The following GALNT13 variants were observed in gnomAD, a reference collection of about 807,000 sequenced individuals.
GALNT13 encodes UDP-GalNAc:polypeptide N-acetylgalactosaminyltransferase 13.
Under a neutral mutation model 64.2 loss-of-function variants are expected in GALNT13, and 28 were observed. The observed-to-expected ratio is 0.44, with a 90% CI of 0.32 to 0.60. GALNT13 has a LOEUF of 0.60. Ranked by LOEUF, GALNT13 falls within the 20% of genes least tolerant of loss-of-function variation. The pLI is 0.05. For synonymous variants in GALNT13, 214 were observed against 224.6 expected (o/e 0.95, Z 0.42); for missense variants, 577 against 669.8 (o/e 0.86, Z 1.53).
the GALNT13 span, among the ~76,000 whole-genome samples, chr2:153,857,762 G>A: frequency 6.6e-6 from 1 of 152,128 alleles, no homozygotes; most frequent in Admixed American, 6.5e-5. Flanking sequence ...GACTGCCAGT[G>A]TTTAAATACA....
chr2:154,152,071 G>A (rs1190173876), intron 4 of GALNT13, among the ~76,000 whole-genome samples: 1 of 152,174 alleles, frequency 6.6e-6, no homozygotes, highest in Non-Finnish European at 1.5e-5. Flanking sequence ...GCTGGTACCG[G>A]TTGTTCCTTT....
At chr2:153,736,071 C>T in the GALNT13 span, among the ~76,000 whole-genome samples, 4 of 152,084 alleles carry the variant, frequency 2.6e-5, no homozygotes, top group African/African-American at 7.2e-5. Context: ...GTTTTTTAGT[C>T]GAAACAACAA....
chr2:154,394,190 G>T (rs1391628138), intron 9 of GALNT13, among the ~76,000 whole-genome samples: 4 of 151,400 alleles, frequency 2.6e-5, no homozygotes, highest in African/African-American at 7.3e-5. Context: ...TAGAGCAGAG[G>T]TTGGCCACTG....
At chr2:154,157,734 C>T (rs1048759194) in intron 4 of GALNT13, among the ~76,000 whole-genome samples, 1 of 152,148 alleles carries the variant, frequency 6.6e-6, no homozygotes, top group East Asian at 1.9e-4. Flanking sequence ...TGACTTTTAT[C>T]CCCACAATAC....
At chr2:153,942,211 T>A (rs911318864) in intron 2 of GALNT13, among the ~76,000 whole-genome samples, 4 of 152,160 alleles carry the variant, frequency 2.6e-5, no homozygotes, top group Non-Finnish European at 2.9e-5. Context: ...AGGAAATATG[T>A]TATAAACAAA....
At chr2:153,677,260 A>G in the GALNT13 span, among the ~76,000 whole-genome samples, 1 of 150,598 alleles carries the variant, frequency 6.6e-6, no homozygotes, top group East Asian at 2.0e-4. Flanking sequence ...CAAATCAAGG[A>G]CACAATCCTA....
the GALNT13 span, among the ~76,000 whole-genome samples, chr2:153,630,782 TA>T: frequency 1.1e-4 from 1 of 9,194 alleles, no homozygotes; most frequent in African/African-American, 3.7e-4. Context: ...TATATATATA[TA>T]TATATATATA....
chr2:153,629,089 C>T, the GALNT13 span, among the ~76,000 whole-genome samples: 17 of 152,126 alleles, frequency 1.1e-4, no homozygotes, highest in East Asian at 5.8e-4. Context: ...GTATATGTGT[C>T]GAGGAATTTA....
At chr2:153,276,372 T>G in the GALNT13 span, among the ~76,000 whole-genome samples, 2 of 152,136 alleles carry the variant, frequency 1.3e-5, no homozygotes, top group African/African-American at 2.4e-5. Context: ...ATAAATTCTA[T>G]ATTTACTTTT....
the GALNT13 span, among the ~76,000 whole-genome samples, chr2:153,677,579 C>CA: frequency 1.3e-5 from 2 of 151,260 alleles, no homozygotes; most frequent in African/African-American, 2.4e-5. Context: ...TATATGGAAC[C>CA]AAAAAAAAGC....
At chr2:153,820,821 A>G in the GALNT13 span, among the ~76,000 whole-genome samples, 3 of 152,140 alleles carry the variant, frequency 2.0e-5, no homozygotes, top group Non-Finnish European at 4.4e-5. Context: ...CTACGAAACA[A>G]CCAGCTACAA....
At chr2:154,146,700 A>C (rs945902555) in intron 4 of GALNT13, among the ~76,000 whole-genome samples, 1 of 152,136 alleles carries the variant, frequency 6.6e-6, no homozygotes, top group Non-Finnish European at 1.5e-5. Context: ...GGAGAAGAGC[A>C]ACCTTTATTA....
the GALNT13 span, among the ~76,000 whole-genome samples, chr2:153,231,934 G>A: frequency 2.6e-5 from 4 of 152,054 alleles, no homozygotes; most frequent in South Asian, 6.2e-4. Flanking sequence ...CCTTGGAGAC[G>A]ATCTTGTCTC....
At chr2:154,392,605 T>G (rs558243994) in intron 9 of GALNT13, among the ~76,000 whole-genome samples, 88 of 152,220 alleles carry the variant, frequency 5.8e-4, no homozygotes, top group Non-Finnish European at 1.1e-3. Context: ...TTGGGCTGGT[T>G]TCAAAGTGAG....
In GALNT13 at chr2:154,426,853, A is replaced by G. The variant is rs142768387; in HGVS notation, c.1396-11739A>G. ...TGCACTGTTGCTCTGTTTCCCATAA[A>G]GACTAGGGAATTTCAAAGACAAATT... On this transcript the variant is annotated intron_variant, in intron 11 of 12. Coordinates refer to ENST00000392825, the MANE Select transcript of GALNT13 (RefSeq NM_052917.4). Among the ~76,000 whole-genome samples the G allele has an allele frequency of 4.5e-4, 69 of 152,284 alleles. No individual in the cohort carries two copies. In the East Asian group the frequency reaches 0.013, roughly 28 times the overall value.
At chr2:153,155,204 G>T in the GALNT13 span, among the ~76,000 whole-genome samples, 2 of 151,994 alleles carry the variant, frequency 1.3e-5, no homozygotes, top group Admixed American at 6.6e-5. Context: ...CTGTGTGTCT[G>T]CAAGGTTTTT....
chr2:153,468,543 G>A, the GALNT13 span, among the ~76,000 whole-genome samples: 3 of 152,006 alleles, frequency 2.0e-5, no homozygotes, highest in Non-Finnish European at 4.4e-5. Flanking sequence ...CTTTGAAATG[G>A]AGAATACTTT....
intron 9 of GALNT13, among the ~76,000 whole-genome samples, chr2:154,340,852 A>G (rs568278288): frequency 9.2e-5 from 14 of 152,000 alleles, no homozygotes; most frequent in Non-Finnish European, 1.6e-4. Context: ...CCTTCCAATA[A>G]TAGTTAAGTT....
chr2:153,977,255 C>G (rs1259122833), intron 3 of GALNT13, among the ~76,000 whole-genome samples: 3 of 152,096 alleles, frequency 2.0e-5, no homozygotes, highest in African/African-American at 4.8e-5. Context: ...TATTTTATGT[C>G]TAGCATTACC....
Sources: allele counts gnomAD v4.1 joint callset (sites outside exome capture counted in the v4.1 genomes callset), GRCh38; gene constraint gnomAD v4.1.1; transcripts MANE v1.5; gene names NCBI Gene and HGNC (gene_info 2026-07-23, HGNC 2026-07-21).